Variants in DPP10 observed in about 807,000 individuals in gnomAD.
The protein encoded by DPP10 is dipeptidyl peptidase like 10.
In DPP10, 33 loss-of-function variants were observed where a neutral mutation model predicts 120.9. The observed-to-expected ratio is 0.27, with a 90% CI of 0.21 to 0.37. DPP10 has a LOEUF of 0.37. Ranked by LOEUF, DPP10 falls within the 10% of genes least tolerant of loss-of-function variation. DPP10 has a pLI of 1.00. For synonymous variants in DPP10, 337 were observed against 326.1 expected (o/e 1.03, Z -0.36); for missense variants, 816 against 942.8 (o/e 0.87, Z 1.76).
intron 3 of DPP10, among the ~76,000 whole-genome samples, chr2:115,406,633 A>G (rs1056604998): frequency 8.5e-5 from 13 of 152,236 alleles, no homozygotes; most frequent in African/African-American, 3.1e-4. Flanking sequence ...TAAGAGAGTT[A>G]GAGAGGCTAT....
rs1425888527 is a variant in DPP10 at position 115,842,854 on chromosome 2, A to G, written c.*509A>G. ...CAGTTAATAAAAAACAGAGTATTTT[A>G]TGTAATTTCTGTTTTTAAAAAGACA... On this transcript the variant is annotated 3_prime_UTR_variant, in exon 26 of 26. Transcript: ENST00000410059. 1.3e-5 allele frequency: 2 copies of G among 152,830 alleles called. No homozygotes were observed. The highest frequency in any genetic ancestry group is 4.8e-5 in the African/African-American group (2 of 41,578). The allele number at this position is 152,830 out of a possible 1,614,324, so 9.5% of individuals were successfully genotyped here.
At chr2:114,760,864 C>G (rs900763760) in intron 1 of DPP10, among the ~76,000 whole-genome samples, 2 of 152,030 alleles carry the variant, frequency 1.3e-5, no homozygotes, top group Admixed American at 6.5e-5. Flanking sequence ...AGTCAAGAAA[C>G]TCTCTGAAAG....
chr2:115,768,205 A>G lies in DPP10; in HGVS notation c.1114-92A>G, dbSNP rs1463076997. ...TTTTCCTAACTAATTATAAATCAAT[A>G]TTTGGTATAACCCATGCAGGAATTA... On this transcript the variant is annotated intron_variant, in intron 12 of 25. Coordinates refer to ENST00000410059, the MANE Select transcript of DPP10 (RefSeq NM_020868.6). 2.4e-5 allele frequency: 24 copies of G among 986,734 alleles called. No homozygotes were observed. The East Asian group carries it at 6.2e-4, about 25-fold the overall frequency. 61.1% of individuals were successfully genotyped at this position (986,734 alleles called of 1,614,324 possible).
At chr2:115,557,278 A>C (rs975043401) in intron 5 of DPP10, among the ~76,000 whole-genome samples, 1 of 152,082 alleles carries the variant, frequency 6.6e-6, no homozygotes, top group African/African-American at 2.4e-5. Context: ...CACTACTTCT[A>C]AGGGCTAACA....
intron 1 of DPP10, among the ~76,000 whole-genome samples, chr2:114,676,858 C>T (rs144288948): frequency 6.6e-6 from 1 of 152,106 alleles, no homozygotes; most frequent in East Asian, 1.9e-4. Flanking sequence ...ATAACTTCCC[C>T]ATAATTGAAT....
chr2:115,333,120 A>G (rs1194349767), intron 2 of DPP10, among the ~76,000 whole-genome samples: 1 of 152,100 alleles, frequency 6.6e-6, no homozygotes, highest in Non-Finnish European at 1.5e-5. Flanking sequence ...TATTGGGTGC[A>G]TATATATTTA....
intron 19 of DPP10, among the ~76,000 whole-genome samples, chr2:115,796,540 A>C (rs1190708885): frequency 3.3e-5 from 5 of 152,140 alleles, no homozygotes; most frequent in Non-Finnish European, 5.9e-5. Flanking sequence ...TGAGTTTATA[A>C]TTGATTTCTG....
chr2:114,470,061 A>T (rs1679779334), intron 1 of DPP10, among the ~76,000 whole-genome samples: 1 of 152,204 alleles, frequency 6.6e-6, no homozygotes, highest in African/African-American at 2.4e-5. Context: ...TTGGAGAGTA[A>T]GATAGGCTTC....
intron 1 of DPP10, among the ~76,000 whole-genome samples, chr2:114,510,536 A>T (rs986889474): frequency 1.3e-5 from 2 of 152,210 alleles, no homozygotes; most frequent in African/African-American, 4.8e-5. Context: ...CCCGGGAGGC[A>T]GAGGTTGCAG....
At chr2:115,812,104 A>T (rs979213459) in intron 19 of DPP10, among the ~76,000 whole-genome samples, 1 of 152,198 alleles carries the variant, frequency 6.6e-6, no homozygotes, top group African/African-American at 2.4e-5. Flanking sequence ...CCATCATTAT[A>T]GACACAGACT....
At chr2:115,623,573 A>G (rs1490699770) in intron 5 of DPP10, among the ~76,000 whole-genome samples, 1 of 152,226 alleles carries the variant, frequency 6.6e-6, no homozygotes, top group Non-Finnish European at 1.5e-5. Context: ...GTGAGGAGCA[A>G]CAAGACCCCT....
At chr2:115,652,046 T>C (rs971807400) in intron 5 of DPP10, among the ~76,000 whole-genome samples, 4 of 152,100 alleles carry the variant, frequency 2.6e-5, no homozygotes, top group Admixed American at 1.3e-4. Flanking sequence ...ATCTGTGATG[T>C]TGGACAAATT....
intron 1 of DPP10, among the ~76,000 whole-genome samples, chr2:114,575,698 AT>A (rs1171781642): frequency 1.3e-5 from 2 of 152,086 alleles, no homozygotes; most frequent in Admixed American, 1.3e-4. Context: ...TCCTTTGGTT[AT>A]TTTATTTGCT....
chr2:115,138,946 A>G (rs757018673), intron 1 of DPP10, among the ~76,000 whole-genome samples: 9 of 152,176 alleles, frequency 5.9e-5, no homozygotes, highest in African/African-American at 1.9e-4. Context: ...AAAATTGTCA[A>G]TAACTTCCAG....
chr2:115,161,873 C>T (rs866097134), intron 1 of DPP10: 9 of 1,340,896 alleles, frequency 6.7e-6, no homozygotes, highest in South Asian at 1.6e-5. Flanking sequence ...CGACGGGCGC[C>T]CGTGACCTGC....
At chr2:115,500,308 C>T (rs1448464056) in intron 4 of DPP10, among the ~76,000 whole-genome samples, 1 of 151,804 alleles carries the variant, frequency 6.6e-6, no homozygotes, top group African/African-American at 2.4e-5. Flanking sequence ...TATTTACTTA[C>T]TATTTTATTG....
At chr2:115,358,586 T>G (rs1055815502) in intron 3 of DPP10, among the ~76,000 whole-genome samples, 3 of 152,198 alleles carry the variant, frequency 2.0e-5, no homozygotes, top group Non-Finnish European at 4.4e-5. Flanking sequence ...TTTTAACCTG[T>G]GCCTGTTACC....
At position 115,676,139 on chromosome 2, in the gene DPP10, G is replaced by A. The variant is rs111757313; in HGVS notation, c.442-13548G>A. Among the ~76,000 whole-genome samples, 875 of 152,316 alleles carry A rather than the reference G, an allele frequency of 5.7e-3. 6 individuals carry two copies. Among genetic ancestry groups the A allele is most frequent in the Non-Finnish European group, 9.1e-3 (622 of 68,030 alleles). ...CAATTACATTTACTCCAGCAGCAGAGATGCCATGAACTTGTGCATTTACTT... is the reference window on the plus strand; with the variant it reads ...CAATTACATTTACTCCAGCAGCAGAAATGCCATGAACTTGTGCATTTACTT... On this transcript the variant is annotated intron_variant, in intron 5 of 25. Coordinates refer to ENST00000410059, the MANE Select transcript of DPP10 (RefSeq NM_020868.6).
intron 1 of DPP10, among the ~76,000 whole-genome samples, chr2:114,709,260 C>T (rs920274526): frequency 3.3e-5 from 5 of 152,182 alleles, no homozygotes; most frequent in African/African-American, 4.8e-5. Flanking sequence ...TGCTACATCT[C>T]TTCCGTGATC....
Sources: gnomAD v4.1 joint callset for allele counts (sites outside exome capture counted in the v4.1 genomes callset) on GRCh38, gnomAD v4.1.1 for gene constraint, MANE v1.5 for transcripts, NCBI Gene and HGNC (gene_info 2026-07-23, HGNC 2026-07-21) for gene names.